The following FBXL7 variants were observed in gnomAD, a reference collection of about 807,000 sequenced individuals.
The protein encoded by FBXL7 is F-box and leucine rich repeat protein 7, also known as F-box/LRR-repeat protein 7.
FBXL7 carries 12 observed loss-of-function variants against 38.3 expected under a neutral mutation model. The observed-to-expected ratio is 0.31, with a 90% CI of 0.20 to 0.51. The LOEUF (loss-of-function observed/expected upper bound fraction) is 0.51. FBXL7 is among the 20% of genes least tolerant of loss of function. The pLI is 0.98. For missense variants in FBXL7, 567 were observed against 676.4 expected, an observed-to-expected ratio of 0.84 and a Z score of 1.79; for synonymous variants, 297 against 300.9, an observed-to-expected ratio of 0.99 and a Z score of 0.13.
At position 15,915,209 on chromosome 5, in the gene FBXL7, A is replaced by G. The variant is rs79943687; in HGVS notation, c.128-12681A>G. On this transcript the variant is annotated intron_variant, in intron 2 of 3. Transcript: ENST00000504595. Reference sequence around the variant, plus strand: ...ATGCCTGGCATATAGTAAGCATTCAATATAAAAGTGTGGAAAGAGCTGTAC... The same window carrying G: ...ATGCCTGGCATATAGTAAGCATTCAGTATAAAAGTGTGGAAAGAGCTGTAC... Among the ~76,000 whole-genome samples, 898 of 152,350 alleles carry G rather than the reference A, an allele frequency of 5.9e-3. 8 individuals are homozygous for G. The highest frequency in any genetic ancestry group is 0.02 in the African/African-American group (822 of 41,578).
At chr5:15,589,817 A>G (rs1561040883) in intron 1 of FBXL7, among the ~76,000 whole-genome samples, 1 of 152,140 alleles carries the variant, frequency 6.6e-6, no homozygotes, top group East Asian at 1.9e-4. Flanking sequence ...CGTGTCCTCA[A>G]TGTCATCATC....
chr5:15,803,849 A>T (rs557977070), intron 2 of FBXL7, among the ~76,000 whole-genome samples: 20 of 152,238 alleles, frequency 1.3e-4, no homozygotes, highest in African/African-American at 4.3e-4. Flanking sequence ...ACTCCGGTAG[A>T]TGTGTAGGGG....
At chr5:15,540,496 G>A (rs1737710733) in intron 1 of FBXL7, among the ~76,000 whole-genome samples, 1 of 152,124 alleles carries the variant, frequency 6.6e-6, no homozygotes, top group Admixed American at 6.6e-5. Flanking sequence ...GTCCCCAGAA[G>A]TTCTTCTAAG....
chr5:15,662,752 G>A (rs921826802), intron 2 of FBXL7, among the ~76,000 whole-genome samples: 1 of 152,068 alleles, frequency 6.6e-6, no homozygotes, highest in Non-Finnish European at 1.5e-5. Context: ...TTTATTGAAT[G>A]TGGAGTCTTT....
chr5:15,918,800 C>A (rs949900660), intron 2 of FBXL7, among the ~76,000 whole-genome samples: 1 of 152,212 alleles, frequency 6.6e-6, no homozygotes, highest in South Asian at 2.1e-4. Context: ...TCTCTGCCAT[C>A]GTCTGATCCT....
At chr5:15,715,798 TA>T (rs1744025772) in intron 2 of FBXL7, among the ~76,000 whole-genome samples, 1 of 152,212 alleles carries the variant, frequency 6.6e-6, no homozygotes, top group Non-Finnish European at 1.5e-5. Context: ...GATTCCTATC[TA>T]AGCATGCTAC....
intron 2 of FBXL7, among the ~76,000 whole-genome samples, chr5:15,759,784 C>A (rs549105941): frequency 6.6e-6 from 1 of 152,126 alleles, no homozygotes; most frequent in African/African-American, 2.4e-5. Flanking sequence ...ACAAAATAGA[C>A]AAAGTCTCTG....
At chr5:15,760,548 T>G (rs961351928) in intron 2 of FBXL7, among the ~76,000 whole-genome samples, 14 of 152,126 alleles carry the variant, frequency 9.2e-5, no homozygotes, top group Non-Finnish European at 1.6e-4. Flanking sequence ...ACATTGAGCT[T>G]TACCTAGGAA....
At chr5:15,929,509 A>G (rs1741982346) in intron 3 of FBXL7, among the ~76,000 whole-genome samples, 1 of 151,510 alleles carries the variant, frequency 6.6e-6, no homozygotes, top group Admixed American at 6.6e-5. Context: ...GGTCCCAGCT[A>G]TTCTACTCAG....
chr5:15,800,089 G>A (rs1171644296), intron 2 of FBXL7, among the ~76,000 whole-genome samples: 1 of 152,134 alleles, frequency 6.6e-6, no homozygotes, highest in Non-Finnish European at 1.5e-5. Flanking sequence ...ATCCATTTTT[G>A]TAGATTCCTT....
chr5:15,717,517 A>C (rs1179480375), intron 2 of FBXL7, among the ~76,000 whole-genome samples: 1 of 152,256 alleles, frequency 6.6e-6, no homozygotes, highest in Non-Finnish European at 1.5e-5. Context: ...AGATATTCTG[A>C]TGCCCATAGG....
chr5:15,746,063 G>T (rs1005208483), intron 2 of FBXL7, among the ~76,000 whole-genome samples: 1 of 152,188 alleles, frequency 6.6e-6, no homozygotes, highest in Non-Finnish European at 1.5e-5. Context: ...GTTAGAGCCA[G>T]AGCCTTCAGA....
intron 2 of FBXL7, among the ~76,000 whole-genome samples, chr5:15,744,080 A>G (rs960734526): frequency 1.3e-5 from 2 of 152,210 alleles, no homozygotes; most frequent in African/African-American, 4.8e-5. Context: ...GCTGCTGTGA[A>G]GACCTCTGAC....
intron 2 of FBXL7, among the ~76,000 whole-genome samples, chr5:15,886,229 G>A (rs974605323): frequency 6.6e-6 from 1 of 151,994 alleles, no homozygotes; most frequent in Non-Finnish European, 1.5e-5. Context: ...GTGTGTGTGT[G>A]CATGCAAATG....
At chr5:15,770,958 T>A (rs1736713269) in intron 2 of FBXL7, among the ~76,000 whole-genome samples, 1 of 152,190 alleles carries the variant, frequency 6.6e-6, no homozygotes, top group South Asian at 2.1e-4. Context: ...AAGACAAGAT[T>A]CCAGTCTTAT....
intron 1 of FBXL7, among the ~76,000 whole-genome samples, chr5:15,566,451 T>C (rs187749249): frequency 6.6e-6 from 1 of 152,286 alleles, no homozygotes; most frequent in East Asian, 1.9e-4. Flanking sequence ...AGGATGTCTG[T>C]AAAGCATTTA....
At chr5:15,827,880 C>T (rs1738357825) in intron 2 of FBXL7, among the ~76,000 whole-genome samples, 1 of 152,204 alleles carries the variant, frequency 6.6e-6, no homozygotes, top group South Asian at 2.1e-4. Context: ...CAATTGGTAA[C>T]ACCTGCTGTG....
intron 2 of FBXL7, among the ~76,000 whole-genome samples, chr5:15,759,922 T>G (rs1736395072): frequency 1.3e-5 from 2 of 152,150 alleles, no homozygotes; most frequent in Non-Finnish European, 2.9e-5. Flanking sequence ...ACCTTTCACC[T>G]GGAAAATTAA....
chr5:15,500,757 C>G (rs371499718), intron 1 of FBXL7, 44 bp downstream of exon 1: 661 of 1,592,900 alleles, frequency 4.1e-4, no homozygotes, highest in Non-Finnish European at 5.3e-4. Context: ...CGCGTCCCTC[C>G]TCCCCTTTCC....
Sources: gnomAD v4.1 joint callset for allele counts (sites outside exome capture counted in the v4.1 genomes callset) on GRCh38, gnomAD v4.1.1 for gene constraint, MANE v1.5 for transcripts, NCBI Gene and HGNC (gene_info 2026-07-23, HGNC 2026-07-21) for gene names.